The following JCAD variants were observed in gnomAD, a reference collection of about 807,000 sequenced individuals.
JCAD encodes the protein junctional cadherin 5 associated.
In JCAD, 40 loss-of-function variants were observed where a neutral mutation model predicts 98.0. The ratio of observed to expected loss-of-function variants is 0.41; its 90% CI spans 0.32 to 0.53. The LOEUF is 0.53. Among genes scored for constraint, JCAD ranks in the 20% least tolerant of loss-of-function variants. The probability of loss-of-function intolerance (pLI) is 0.31; values close to 1 mark genes in which losing one functional copy is unlikely to be tolerated. For missense variants in JCAD, 1,705 were observed against 1,738.1 expected (o/e 0.98, Z 0.34); for synonymous variants, 691 against 682.3 (o/e 1.01, Z -0.20).
Position 30,027,321 on chromosome 10 carries a change from C to T in JCAD, c.2827G>A (p.Ala943Thr), listed in dbSNP as rs1836841619. The T allele has an allele frequency of 6.2e-7, 1 of 1,613,724 alleles. No homozygotes were observed. Among genetic ancestry groups the T allele is most frequent in the African/African-American group, 1.3e-5 (1 of 75,068 alleles). Reference sequence around the variant, plus strand: ...CTTCCATCTGCTGAGCAGAAAGGTGCACCGCCACCTTCTTCCACGCGAAAG... The same window carrying T: ...CTTCCATCTGCTGAGCAGAAAGGTGTACCGCCACCTTCTTCCACGCGAAAG... The part of the protein sequence containing the change: ...GRFRVEEGGG[A>T]PFCSADGSTS... The change falls in exon 3 of 4, where the codon GCA (alanine) becomes ACA (threonine). Residue 943 changes from alanine (A) to threonine (T), a missense_variant. Around this residue, in one of 3 missense-constraint regions of JCAD, gnomAD observed 1,278 missense variants for 1,243.1 expected, o/e 1.03. Coordinates refer to ENST00000375377, the MANE Select transcript of JCAD (RefSeq NM_020848.4).
In JCAD at chr10:30,013,901, G is replaced by A. The variant is rs1055466786; in HGVS notation, c.*3982C>T. 6.6e-6 allele frequency: 1 copy of A among 152,238 alleles called. No homozygotes were observed. Among genetic ancestry groups the A allele is most frequent in the Non-Finnish European group, 1.5e-5 (1 of 68,056 alleles). The allele number at this position is 152,238 out of a possible 1,614,324, so 9.4% of individuals were successfully genotyped here. A position where few individuals can be genotyped will look rare whatever the true frequency, so the allele number is the denominator to read the frequency against. On this transcript the variant is annotated 3_prime_UTR_variant, in exon 4 of 4. Coordinates refer to ENST00000375377, the MANE Select transcript of JCAD (RefSeq NM_020848.4). ...GGAGCCTTGGCTGCCTTCCCACACT[G>A]CTGATGAACCAAGGACTGTTTCGAC...
Position 30,013,442 on chromosome 10 carries a change from G to T in JCAD, c.*4441C>A, listed in dbSNP as rs1392296864. 1.3e-5 allele frequency: 2 copies of T among 152,084 alleles called. No homozygotes were observed. The highest frequency in any genetic ancestry group is 3.9e-4 in the East Asian group (2 of 5,188). The allele number at this position is 152,084 out of a possible 1,614,324, so 9.4% of individuals were successfully genotyped here. A position where few individuals can be genotyped will look rare whatever the true frequency, so the allele number is the denominator to read the frequency against. The stretch of plus-strand genomic sequence containing the variant: ...GAGGGCTCGAATTTCAGCTGACCTA[G>T]GTGGAGAGTACTTCATTGATTTTTA... On this transcript the variant is annotated 3_prime_UTR_variant, in exon 4 of 4. Coordinates refer to ENST00000375377, the MANE Select transcript of JCAD (RefSeq NM_020848.4).
Position 30,027,863 on chromosome 10 carries a change from CTG to C in JCAD, c.2283_2284del (p.Asn761LysfsTer37). On this transcript the variant is annotated frameshift_variant, in exon 3 of 4. Transcript: ENST00000375377. LOFTEE classifies it high-confidence loss of function. ...GGACAAGGAAGTCCTTGAGAACGCA[CTG>C]TTGCTGGATGGGCTGAGGGACCTGT... 1 of 1,614,268 alleles carries C rather than the reference CTG, an allele frequency of 6.2e-7. No individual in the cohort carries two copies. The highest frequency in any genetic ancestry group is 8.5e-7 in the Non-Finnish European group (1 of 1,180,044).
rs1267758096 is a variant in JCAD, at chr10:30,092,105, T to C, written n.129-22284A>G. Among the ~76,000 whole-genome samples the C allele has an allele frequency of 7.0e-4, 70 of 100,676 alleles. 4 individuals carry two copies. The highest frequency in any genetic ancestry group is 3.3e-3 in the African/African-American group (69 of 20,858). 66.0% of individuals were successfully genotyped at this position (100,676 alleles called of 152,430 possible). ...TATATATATAAAGTTACTTTATATATATATATATATATATATATATAAAAA... is the reference window on the plus strand; with the variant it reads ...TATATATATAAAGTTACTTTATATACATATATATATATATATATATAAAAA... On this transcript the variant is annotated intron_variant and non_coding_transcript_variant, in intron 1 of 2. Transcript: ENST00000465712.
At chr10:30,104,664 C>T (rs942245068) in intron 1 of JCAD, among the ~76,000 whole-genome samples, 5 of 152,208 alleles carry the variant, frequency 3.3e-5, no homozygotes, top group African/African-American at 1.2e-4. Context: ...CCCCAAACCT[C>T]AGCATCCCAC....
At chr10:30,067,637 C>A (rs187264515) in intron 2 of JCAD, among the ~76,000 whole-genome samples, 1 of 152,262 alleles carries the variant, frequency 6.6e-6, no homozygotes, top group Admixed American at 6.5e-5. Context: ...CAAGAACTAT[C>A]TTTGTTTTAA....
At chr10:30,104,092 C>G (rs1326226039) in intron 1 of JCAD, among the ~76,000 whole-genome samples, 1 of 152,174 alleles carries the variant, frequency 6.6e-6, no homozygotes, top group Non-Finnish European at 1.5e-5. Context: ...AAAGAGGAAA[C>G]TGAGAAGTTA....
At chr10:30,019,208 T>G (rs913995586) in intron 3 of JCAD, among the ~76,000 whole-genome samples, 1 of 151,540 alleles carries the variant, frequency 6.6e-6, no homozygotes, top group Non-Finnish European at 1.5e-5. Flanking sequence ...ACACAAAAAA[T>G]TAACCAGGCA....
At chr10:30,034,898 C>A (rs1389367586) in intron 2 of JCAD, among the ~76,000 whole-genome samples, 1 of 152,192 alleles carries the variant, frequency 6.6e-6, no homozygotes, top group African/African-American at 2.4e-5. Flanking sequence ...TGCTTTGCAT[C>A]AGAAACAATC....
At chr10:30,098,156 C>T (rs543736597) in intron 1 of JCAD, among the ~76,000 whole-genome samples, 5 of 152,300 alleles carry the variant, frequency 3.3e-5, no homozygotes, top group African/African-American at 9.6e-5. Flanking sequence ...CTGCGACCCT[C>T]GGGTCTGCCT....
rs751834048 is a variant in JCAD at position 30,027,009 on chromosome 10, C to T, written c.3139G>A (p.Asp1047Asn). The change falls in exon 3 of 4, where the codon GAC becomes AAC. Residue 1047 changes from aspartate to asparagine, a missense_variant. Around this residue, in one of 3 missense-constraint regions of JCAD, gnomAD observed 1,278 missense variants for 1,243.1 expected, o/e 1.03. Coordinates refer to ENST00000375377, the MANE Select transcript of JCAD (RefSeq NM_020848.4). ...GGGGTGAGCCCCACAGACCGTAAGT[C>T]TGGAGCTGAGAGCCCTCGGTTCTTG... ...SNKNRGLSAP[D>N]LRSVGLTPGQ... 15 of 1,614,220 alleles carry T rather than the reference C, an allele frequency of 9.3e-6. No homozygotes were observed. The highest frequency in any genetic ancestry group is 1.1e-5 in the Non-Finnish European group (13 of 1,180,044).
At chr10:30,084,268 G>A (rs1028234474) in intron 1 of JCAD, among the ~76,000 whole-genome samples, 1 of 152,138 alleles carries the variant, frequency 6.6e-6, no homozygotes. Flanking sequence ...CAATTTTATA[G>A]AATCTGAAAA....
Position 30,082,708 on chromosome 10 carries a change from G to A in JCAD, n.129-12887C>T, listed in dbSNP as rs1011775888. ...CTGTACTAAAAACACAAAATTGGCC[G>A]GGTATGGTGGTGCGTGCCTGTAATC... On this transcript the variant is annotated intron_variant and non_coding_transcript_variant, in intron 1 of 2. Transcript: ENST00000465712. Among the ~76,000 whole-genome samples the A allele has an allele frequency of 3.3e-5, 5 of 151,904 alleles. No individual in the cohort carries two copies. The East Asian group carries it at 5.8e-4, about 18-fold the overall frequency.
At chr10:30,069,109 G>A (rs1405693905) in intron 2 of JCAD, among the ~76,000 whole-genome samples, 1 of 152,142 alleles carries the variant, frequency 6.6e-6, no homozygotes, top group African/African-American at 2.4e-5. Context: ...CAGTTTTTCC[G>A]TTGACCACAG....
intron 2 of JCAD, among the ~76,000 whole-genome samples, chr10:30,031,413 G>A (rs1224290158): frequency 6.7e-6 from 1 of 149,498 alleles, no homozygotes; most frequent in Non-Finnish European, 1.5e-5. Context: ...TTACAGACAT[G>A]AAGCACCATG....
intron 1 of JCAD, among the ~76,000 whole-genome samples, chr10:30,051,288 A>ACACGCACG (rs1209680245): frequency 6.9e-6 from 1 of 144,834 alleles, no homozygotes; most frequent in African/African-American, 2.8e-5. Context: ...ACGCACGCAC[A>ACACGCACG]CACACACACA....
chr10:30,075,391 A>T lies in JCAD; in HGVS notation n.129-5570T>A, dbSNP rs181479401. On this transcript the variant is annotated intron_variant and non_coding_transcript_variant, in intron 1 of 2. Coordinates refer to the JCAD transcript ENST00000465712. The stretch of plus-strand genomic sequence containing the variant: ...TAGGAACAACATGCTCTTCTCATTA[A>T]ACCCGTAGGTCTGGTGACATTTCAT... Among the ~76,000 whole-genome samples the T allele has an allele frequency of 2.6e-5, 4 of 152,296 alleles. No homozygotes were observed. The East Asian group carries it at 7.7e-4, about 29-fold the overall frequency.
At chr10:30,087,259 G>C (rs991014914) in intron 1 of JCAD, among the ~76,000 whole-genome samples, 1 of 151,856 alleles carries the variant, frequency 6.6e-6, no homozygotes, top group Admixed American at 6.6e-5. Flanking sequence ...GGCCAACATG[G>C]TGAAACTCTG....
Position 30,028,820 on chromosome 10 carries a change from C to T in JCAD, c.1328G>A (p.Cys443Tyr), listed in dbSNP as rs2132617725. The T allele has an allele frequency of 6.2e-7, 1 of 1,614,234 alleles. No homozygotes were observed. Among genetic ancestry groups the T allele is most frequent in the East Asian group, 2.2e-5 (1 of 44,880 alleles). The change falls in exon 3 of 4, where the codon TGT (cysteine) becomes TAT (tyrosine). Residue 443 changes from cysteine (C) to tyrosine (Y), a missense_variant. By Grantham distance (194) the Cys-to-Tyr change is radical (BLOSUM62 -2). This residue lies in a region of JCAD where 1,278 missense variants were observed against 1,243.1 expected (regional missense o/e 1.03). Transcript: ENST00000375377. ...TTTATCGTCAAGCTTTATGTCTTCA[C>T]AGAAACCCTGGGGCTGAGCTAGTTT... ...HFKLAQPQGF[C>Y]EDIKLDDKSY...
Sources: allele counts gnomAD v4.1 joint callset (sites outside exome capture counted in the v4.1 genomes callset), GRCh38; gene constraint gnomAD v4.1.1; regional missense constraint gnomAD v4.1.1; transcripts MANE v1.5; gene names NCBI Gene and HGNC (gene_info 2026-07-23, HGNC 2026-07-21).